The following TXLNB variants were observed in gnomAD, a reference collection of about 807,000 sequenced individuals.
TXLNB encodes beta-taxilin.
In TXLNB, 37 loss-of-function variants were observed where a neutral mutation model predicts 57.4. The observed-to-expected ratio is 0.64, with a 90% CI of 0.50 to 0.85. TXLNB has a LOEUF of 0.85. Among genes scored for constraint, TXLNB ranks in the 40% least tolerant of loss-of-function variants. The pLI is 0.00. For synonymous variants in TXLNB, 302 were observed against 309.6 expected (o/e 0.98, Z 0.26); for missense variants, 848 against 825.6 (o/e 1.03, Z -0.33).
At chr6:139,260,467 T>G in intron 5 of TXLNB, 30 bp from the exon 6 acceptor site, 2 of 1,607,018 alleles carry the variant, frequency 1.2e-6, no homozygotes, top group African/African-American at 1.3e-5. Flanking sequence ...CATAGAAAGC[T>G]TGGTTTATTA....
the TXLNB span, among the ~76,000 whole-genome samples, chr6:139,213,997 AC>A: frequency 6.6e-6 from 1 of 152,188 alleles, no homozygotes; most frequent in Admixed American, 6.5e-5. Flanking sequence ...TAGCTTACCA[AC>A]CAAAAAAAGT....
At chr6:139,255,924 A>C (rs368319895) in intron 6 of TXLNB, among the ~76,000 whole-genome samples, 1 of 150,256 alleles carries the variant, frequency 6.7e-6, no homozygotes, top group Non-Finnish European at 1.5e-5. Context: ...AAAAAAAAAA[A>C]AACCAAAATT....
the TXLNB span, among the ~76,000 whole-genome samples, chr6:139,219,451 G>A: frequency 1.3e-5 from 2 of 152,224 alleles, no homozygotes; most frequent in African/African-American, 4.8e-5. Flanking sequence ...AAGCAGGAAT[G>A]CAAATCATCA....
chr6:139,315,756 A>G, the TXLNB span, among the ~76,000 whole-genome samples: 2 of 152,372 alleles, frequency 1.3e-5, no homozygotes, highest in Admixed American at 1.3e-4. Flanking sequence ...AAATGATAGA[A>G]GAAAAATAAT....
At chr6:139,248,410 C>T (rs1776118586) in intron 7 of TXLNB, among the ~76,000 whole-genome samples, 1 of 151,428 alleles carries the variant, frequency 6.6e-6, no homozygotes, top group Non-Finnish European at 1.5e-5. Flanking sequence ...GCAGGAGAAT[C>T]GCTTGAACCC....
Position 139,275,820 on chromosome 6 carries a change from C to T in TXLNB, c.516+1010G>A, listed in dbSNP as rs574837736. Among the ~76,000 whole-genome samples the T allele has an allele frequency of 5.9e-5, 9 of 152,246 alleles. No homozygotes were observed. In the East Asian group the frequency reaches 1.4e-3, roughly 23 times the overall value. On this transcript the variant is annotated intron_variant, in intron 3 of 9. Coordinates refer to ENST00000358430, the MANE Select transcript of TXLNB (RefSeq NM_153235.4). Reference sequence around the variant, plus strand: ...TAAAAAATTAAAGAGAATTAGGCCCCGGGCCTCAAAGGGGCCCATGCAAGT... The same window carrying T: ...TAAAAAATTAAAGAGAATTAGGCCCTGGGCCTCAAAGGGGCCCATGCAAGT...
the TXLNB span, chr6:139,178,146 G>GT: frequency 1.3e-5 from 2 of 152,172 alleles, no homozygotes; most frequent in Non-Finnish European, 2.9e-5. Context: ...TCTTTTAAAA[G>GT]TATGTTTTGG....
the TXLNB span, among the ~76,000 whole-genome samples, chr6:139,159,590 G>A: frequency 6.6e-6 from 1 of 152,162 alleles, no homozygotes; most frequent in African/African-American, 2.4e-5. Flanking sequence ...AGACCTGGCT[G>A]GAGCTCTGCA....
chr6:139,246,902 G>A (rs1380954511), intron 8 of TXLNB, among the ~76,000 whole-genome samples: 10 of 141,866 alleles, frequency 7.0e-5, no homozygotes, highest in South Asian at 6.6e-4. Flanking sequence ...CAACAAGAGC[G>A]AAATTCCATC....
upstream of TXLNB, among the ~76,000 whole-genome samples, chr6:139,294,238 T>C (rs1259723532): frequency 2.6e-5 from 4 of 152,238 alleles, no homozygotes; most frequent in African/African-American, 9.6e-5. Flanking sequence ...GCTTGCAACA[T>C]GAATACTCTA....
chr6:139,316,765 CAG>C, the TXLNB span, among the ~76,000 whole-genome samples: 1 of 152,296 alleles, frequency 6.6e-6, no homozygotes, highest in Non-Finnish European at 1.5e-5. Flanking sequence ...ATTCTGGAGT[CAG>C]GGGAAATGCA....
At chr6:139,294,796 C>T (rs1428519240), upstream of TXLNB, among the ~76,000 whole-genome samples, 1 of 152,124 alleles carries the variant, frequency 6.6e-6, no homozygotes, top group Non-Finnish European at 1.5e-5. Flanking sequence ...TCAAGATCAG[C>T]CTGGCCATCA....
intron 8 of TXLNB, among the ~76,000 whole-genome samples, chr6:139,246,779 T>C (rs1222720920): frequency 6.6e-5 from 10 of 152,064 alleles, no homozygotes; most frequent in Non-Finnish European, 1.5e-4. Flanking sequence ...CCGGACATGG[T>C]GGTGCATGCC....
chr6:139,162,493 T>C, the TXLNB span, among the ~76,000 whole-genome samples: 2 of 152,242 alleles, frequency 1.3e-5, no homozygotes, highest in African/African-American at 4.8e-5. Flanking sequence ...CCTGCCTGGA[T>C]TCCAACTCAG....
In TXLNB at chr6:139,242,221, G is replaced by A. The variant is rs1775951324; in HGVS notation, c.*305C>T. The A allele has an allele frequency of 4.5e-6, 1 of 221,734 alleles. No homozygotes were observed. The highest frequency in any genetic ancestry group is 2.3e-5 in the African/African-American group (1 of 44,276). The allele number at this position is 221,734 out of a possible 1,614,324, so 13.7% of individuals were successfully genotyped here. A position where few individuals can be genotyped will look rare whatever the true frequency, so the allele number is the denominator to read the frequency against. Reference sequence around the variant, plus strand: ...AGTCTTTAAACATCAAATCTTACTGGTGATTAACAAATTTAAGTATTATCT... The same window carrying A: ...AGTCTTTAAACATCAAATCTTACTGATGATTAACAAATTTAAGTATTATCT... On this transcript the variant is annotated 3_prime_UTR_variant, in exon 10 of 10. Transcript: ENST00000358430.
the TXLNB span, among the ~76,000 whole-genome samples, chr6:139,229,663 TTTC>T: frequency 1.3e-5 from 2 of 152,190 alleles, no homozygotes; most frequent in African/African-American, 4.8e-5. Context: ...GTTATTTGTA[TTTC>T]TTCTTCTACA....
intron 7 of TXLNB, among the ~76,000 whole-genome samples, chr6:139,249,784 C>T (rs1370776577): frequency 6.6e-6 from 1 of 152,062 alleles, no homozygotes; most frequent in African/African-American, 2.4e-5. Context: ...CAAAGAAAAG[C>T]CAAATGACAG....
At chr6:139,209,129 C>T in the TXLNB span, among the ~76,000 whole-genome samples, 2 of 152,082 alleles carry the variant, frequency 1.3e-5, no homozygotes, top group African/African-American at 2.4e-5. Context: ...AATCACTAAT[C>T]CTACTATACA....
At chr6:139,222,409 T>C in the TXLNB span, among the ~76,000 whole-genome samples, 1 of 152,140 alleles carries the variant, frequency 6.6e-6, no homozygotes, top group South Asian at 2.1e-4. Flanking sequence ...AAAATAGATA[T>C]TTCATAATAA....
Sources: gnomAD v4.1 joint callset for allele counts (sites outside exome capture counted in the v4.1 genomes callset) on GRCh38, gnomAD v4.1.1 for gene constraint, MANE v1.5 for transcripts, NCBI Gene and HGNC (gene_info 2026-07-23, HGNC 2026-07-21) for gene names.